The following ZNF679 variants were observed in gnomAD, a reference collection of about 807,000 sequenced individuals.
ZNF679 encodes the protein zinc finger protein 679, also known as hypothetical protein MGC42415.
Under a neutral mutation model 13.4 loss-of-function variants are expected in ZNF679, and 10 were observed. The ratio of observed to expected loss-of-function variants is 0.75; its 90% CI spans 0.46 to 1.27. The LOEUF (loss-of-function observed/expected upper bound fraction) is 1.27. Among genes scored for constraint, ZNF679 ranks in the 50% most tolerant of loss-of-function variants. The pLI is 0.00. For missense variants in ZNF679, 525 were observed against 477.8 expected (o/e 1.10, Z -0.92); for synonymous variants, 179 against 162.5 (o/e 1.10, Z -0.77).
chr7:64,240,985 T>C lies in ZNF679; in HGVS notation c.-90-8043T>C, dbSNP rs577323042. Reference sequence around the variant, plus strand: ...CTCATCTGTCGATTGGATTAATGTATGAGATTCACAATTCCAACTCTACTG... The same window carrying C: ...CTCATCTGTCGATTGGATTAATGTACGAGATTCACAATTCCAACTCTACTG... On this transcript the variant is annotated intron_variant, in intron 1 of 4. Coordinates refer to ENST00000421025, the MANE Select transcript of ZNF679 (RefSeq NM_153363.3). Among the ~76,000 whole-genome samples, 70 of 152,264 alleles carry C rather than the reference T, an allele frequency of 4.6e-4. 1 individual carries two copies. The highest frequency in any genetic ancestry group is 1.6e-3 in the African/African-American group (65 of 41,562).
At chr7:64,263,152 C>A (rs1230619815) in intron 4 of ZNF679, among the ~76,000 whole-genome samples, 2 of 152,074 alleles carry the variant, frequency 1.3e-5, no homozygotes, top group Non-Finnish European at 2.9e-5. Context: ...AGTGCAGTAG[C>A]ACAGTCTTGG....
chr7:64,245,698 A>G (rs1437896632), intron 1 of ZNF679, among the ~76,000 whole-genome samples: 3 of 152,116 alleles, frequency 2.0e-5, no homozygotes, highest in African/African-American at 7.2e-5. Context: ...TCAGCAAAAA[A>G]TGCAAGGCAG....
At chr7:64,232,676 T>C (rs1487788356) in intron 1 of ZNF679, among the ~76,000 whole-genome samples, 1 of 152,078 alleles carries the variant, frequency 6.6e-6, no homozygotes, top group Non-Finnish European at 1.5e-5. Context: ...ATTATTTGGG[T>C]GCTGGGCCCA....
Position 64,258,395 on chromosome 7 carries a change from A to G in ZNF679, c.40-1826A>G, listed in dbSNP as rs112857468. On this transcript the variant is annotated intron_variant, in intron 2 of 4. Coordinates refer to ENST00000421025, the MANE Select transcript of ZNF679 (RefSeq NM_153363.3). ...AAAAAATCACTTTTTCTTGGTGAGC[A>G]TGTCTCAGATCAAGAGTAGTGTGCG... Among the ~76,000 whole-genome samples, 297 of 152,206 alleles carry G rather than the reference A, an allele frequency of 2.0e-3. 1 individual carries two copies. The highest frequency in any genetic ancestry group is 3.0e-3 in the Non-Finnish European group (206 of 67,996).
chr7:64,239,913 T>C (rs1275617283), intron 1 of ZNF679, among the ~76,000 whole-genome samples: 2 of 152,192 alleles, frequency 1.3e-5, no homozygotes, highest in Non-Finnish European at 2.9e-5. Context: ...GGCCCAGTAC[T>C]GGGTGAAGTT....
At position 64,266,560 on chromosome 7, in the gene ZNF679, A is replaced by C. The variant is rs745777792; in HGVS notation, c.927A>C (p.Ser309=). Residue 309 remains serine, a synonymous_variant, in exon 5 of 5, where the codon TCA becomes TCC. Coordinates refer to ENST00000421025, the MANE Select transcript of ZNF679 (RefSeq NM_153363.3). ...EECGKAFSLS[S]SLTYHKRIHT... is the part of the protein sequence containing the mutation. ...GTGGCAAAGCCTTTAGCTTATCCTC[A>C]TCCCTCACTTACCACAAGAGAATTC... 7.4e-6 allele frequency: 12 copies of C among 1,612,586 alleles called. No homozygotes were observed. The highest frequency in any genetic ancestry group is 1.7e-4 in the Middle Eastern group (1 of 6,060).
intron 4 of ZNF679, among the ~76,000 whole-genome samples, chr7:64,263,388 G>A (rs113419366): frequency 3.3e-5 from 5 of 152,136 alleles, no homozygotes; most frequent in African/African-American, 7.2e-5. Context: ...ACTGCACCTG[G>A]CTGATCTTTT....
chr7:64,232,717 G>A (rs1227061918), intron 1 of ZNF679, among the ~76,000 whole-genome samples: 3 of 152,278 alleles, frequency 2.0e-5, no homozygotes, highest in Middle Eastern at 3.4e-3. Flanking sequence ...TGTAATCAGG[G>A]CCCAGGCAGG....
Position 64,254,999 on chromosome 7 carries a change from CAA to C in ZNF679, c.40-5205_40-5204del, listed in dbSNP as rs71060569. Among the ~76,000 whole-genome samples the C allele has an allele frequency of 5.6e-3, 513 of 92,054 alleles. 3 individuals carry two copies. Among genetic ancestry groups the C allele is most frequent in the African/African-American group, 6.4e-3 (151 of 23,522 alleles). 60.4% of individuals were successfully genotyped at this position (92,054 alleles called of 152,430 possible). On this transcript the variant is annotated intron_variant, in intron 2 of 4. Coordinates refer to ENST00000421025, the MANE Select transcript of ZNF679 (RefSeq NM_153363.3). ...TGGGCAACAGAGTGAGACTCCATCT[CAA>C]AAAAAAAAAAAAAAAAGAAAAAAAA...
intron 1 of ZNF679, among the ~76,000 whole-genome samples, chr7:64,229,663 G>T (rs1207266356): frequency 6.6e-6 from 1 of 152,082 alleles, no homozygotes; most frequent in Non-Finnish European, 1.5e-5. Flanking sequence ...TATTTCCTGT[G>T]ACCTTTTATA....
intron 1 of ZNF679, among the ~76,000 whole-genome samples, chr7:64,247,330 A>G (rs1787882902): frequency 6.6e-6 from 1 of 152,172 alleles, no homozygotes; most frequent in African/African-American, 2.4e-5. Flanking sequence ...CCTATTCCAG[A>G]TGCAGTTGCT....
rs747023064 is a variant in ZNF679, at chr7:64,266,055, G to T, written c.422G>T (p.Cys141Phe). ...GAGTGTGAGGTGCAAAAAGGAGGTT[G>T]TAATGAAGTTAACCAATGTTTGTCA... ...MGECEVQKGG[C>F]NEVNQCLSTT... Residue 141 changes from cysteine to phenylalanine, a missense_variant, in exon 5 of 5, where the codon TGT (cysteine) becomes TTT (phenylalanine). By Grantham distance (205) the Cys-to-Phe change is radical. Coordinates refer to ENST00000421025, the MANE Select transcript of ZNF679 (RefSeq NM_153363.3). 6.2e-7 allele frequency: 1 copy of T among 1,613,386 alleles called. No homozygotes were observed. The highest frequency in any genetic ancestry group is 8.5e-7 in the Non-Finnish European group (1 of 1,179,678).
At chr7:64,261,065 T>C (rs1398229348) in intron 4 of ZNF679, 136 bp downstream of exon 4, 8 of 902,038 alleles carry the variant, frequency 8.9e-6, no homozygotes, top group Middle Eastern at 2.2e-4. Flanking sequence ...CATTTTTTTT[T>C]CTTTTGCTCT....
intron 1 of ZNF679, among the ~76,000 whole-genome samples, chr7:64,237,480 G>A (rs974047097): frequency 3.3e-5 from 5 of 152,254 alleles, no homozygotes; most frequent in Middle Eastern, 3.4e-3. Flanking sequence ...AATTCACAGC[G>A]CAACAGCTTG....
chr7:64,259,641 ATTTAGGCCAGGTGCGGGGGCT>A (rs1788048544), intron 2 of ZNF679, among the ~76,000 whole-genome samples: 1 of 152,020 alleles, frequency 6.6e-6, no homozygotes, highest in South Asian at 2.1e-4. Context: ...TTATAATTAA[ATTTAGGCCAGGTGCGGGGGCT>A]CACGCTAGTA....
chr7:64,236,166 G>A (rs1424500663), intron 1 of ZNF679, among the ~76,000 whole-genome samples: 2 of 152,030 alleles, frequency 1.3e-5, no homozygotes, highest in African/African-American at 4.8e-5. Flanking sequence ...TCAGGAGGCT[G>A]AGGCAGGAGA....
chr7:64,243,192 T>C (rs138290270), intron 1 of ZNF679, among the ~76,000 whole-genome samples: 212 of 152,250 alleles, frequency 1.4e-3, no homozygotes, highest in African/African-American at 4.5e-3. Flanking sequence ...CCTGTTTGTC[T>C]AAGCCTACCT....
At chr7:64,246,790 G>A (rs1157887316) in intron 1 of ZNF679, among the ~76,000 whole-genome samples, 1 of 151,738 alleles carries the variant, frequency 6.6e-6, no homozygotes, top group African/African-American at 2.4e-5. Context: ...AAGGAAGGAA[G>A]GGAGGGATTT....
chr7:64,266,784 AATGTG>A lies in ZNF679; in HGVS notation c.1153_1157del (p.Cys385GlnfsTer4). 2 of 1,609,208 alleles carry A rather than the reference AATGTG, an allele frequency of 1.2e-6. No individual in the cohort carries two copies. Among genetic ancestry groups the A allele is most frequent in the Non-Finnish European group, 8.5e-7 (1 of 1,177,424 alleles). ...GGAGAGGAACCCTACAAATGTGAAG[AATGTG>A]ACAAAGCTTTTAAGTGGTCCTCAAG... On this transcript the variant is annotated frameshift_variant, in exon 5 of 5. Transcript: ENST00000421025. LOFTEE classifies it low-confidence loss of function (END_TRUNC).
Sources: allele counts gnomAD v4.1 joint callset (sites outside exome capture counted in the v4.1 genomes callset), GRCh38; gene constraint gnomAD v4.1.1; transcripts MANE v1.5; gene names NCBI Gene and HGNC (gene_info 2026-07-23, HGNC 2026-07-21).